The following UXS1 variants were observed in gnomAD, a reference collection of about 807,000 sequenced individuals.
The protein encoded by UXS1 is UDP-glucuronic acid decarboxylase 1.
In UXS1, 33 loss-of-function variants were observed where a neutral mutation model predicts 62.6. That is an observed-to-expected ratio of 0.53 (90% CI 0.40 to 0.70). The LOEUF (loss-of-function observed/expected upper bound fraction) is 0.70, where lower values mean the gene tolerates loss of function less well. UXS1 is among the 30% of genes least tolerant of loss of function. The probability of loss-of-function intolerance (pLI) is 0.00; values close to 1 mark genes in which losing one functional copy is unlikely to be tolerated. For synonymous variants in UXS1, 213 were observed against 206.8 expected (o/e 1.03, Z -0.26); for missense variants, 434 against 556.3 (o/e 0.78, Z 2.21).
rs573449673 is a variant in UXS1, at chr2:106,167,278, C to CA, written c.95-1196dup. 4.4e-4 allele frequency among the ~76,000 whole-genome samples: 67 copies of CA among 152,294 alleles called. 1 individual carries two copies. The South Asian group carries it at 1.0e-2, about 23-fold the overall frequency. ...CACTCCTATTTGGCCCTCATGTGGC[C>CA]ACTCAGCAGATACTGAAGGCCTTCT... On this transcript the variant is annotated intron_variant, in intron 1 of 14. Coordinates refer to ENST00000283148, the MANE Select transcript of UXS1 (RefSeq NM_001253875.2).
At chr2:106,185,063 A>G (rs1280229866) in intron 1 of UXS1, among the ~76,000 whole-genome samples, 1 of 152,188 alleles carries the variant, frequency 6.6e-6, no homozygotes. Flanking sequence ...TCAGACTTCC[A>G]CATTCTGCCT....
chr2:106,095,057 A>C (rs1431113543), intron 14 of UXS1, among the ~76,000 whole-genome samples: 4 of 152,190 alleles, frequency 2.6e-5, no homozygotes, highest in Non-Finnish European at 5.9e-5. Flanking sequence ...TAAAACTACT[A>C]CTAGAAGAGA....
At chr2:106,166,973 G>A (rs924278513) in intron 1 of UXS1, among the ~76,000 whole-genome samples, 3 of 152,174 alleles carry the variant, frequency 2.0e-5, no homozygotes, top group African/African-American at 7.2e-5. Context: ...AACCCAGAGA[G>A]GTTAAACAGT....
intron 12 of UXS1, 110 bp downstream of exon 12, chr2:106,100,948 T>C: frequency 7.6e-7 from 1 of 1,318,960 alleles, no homozygotes; most frequent in Non-Finnish European, 1.1e-6. Flanking sequence ...CAAACACAAA[T>C]GTCCTAAGTG....
intron 3 of UXS1, 92 bp from the exon 4 acceptor site, chr2:106,163,802 A>G: frequency 1.4e-6 from 1 of 727,500 alleles, no homozygotes; most frequent in South Asian, 3.6e-5. Flanking sequence ...AAGGCAAAAC[A>G]GGTTTTAATT....
chr2:106,111,531 C>T (rs559710628), intron 10 of UXS1, among the ~76,000 whole-genome samples: 11 of 152,282 alleles, frequency 7.2e-5, no homozygotes, highest in Middle Eastern at 3.4e-3. Context: ...ACACACACCA[C>T]GGAGAATGCT....
At chr2:106,125,732 A>AT (rs1325064834) in intron 7 of UXS1, 53 bp from the exon 8 acceptor site, 3 of 1,477,876 alleles carry the variant, frequency 2.0e-6, no homozygotes, top group Admixed American at 2.3e-5. Context: ...GTGCAGGCAC[A>AT]TTTTTTGCTG....
chr2:106,194,263 A>T lies in UXS1; in HGVS notation c.-22T>A. The T allele has an allele frequency of 1.5e-6, 2 of 1,299,930 alleles. No homozygotes were observed. The highest frequency in any genetic ancestry group is 2.0e-6 in the Non-Finnish European group (2 of 1,009,212). The allele number at this position is 1,299,930 out of a possible 1,614,324, so 80.5% of individuals were successfully genotyped here. A position where few individuals can be genotyped will look rare whatever the true frequency, so the allele number is the denominator to read the frequency against. ...CCATCCCCGGGAGCCGCGCGGGTCC[A>T]GGGCCCTACCGCGCGGGGGCCCGCC... On this transcript the variant is annotated 5_prime_UTR_variant, in exon 1 of 15. Coordinates refer to ENST00000283148, the MANE Select transcript of UXS1 (RefSeq NM_001253875.2).
chr2:106,140,053 T>A (rs1453014807), intron 6 of UXS1, among the ~76,000 whole-genome samples: 1 of 152,170 alleles, frequency 6.6e-6, no homozygotes, highest in African/African-American at 2.4e-5. Flanking sequence ...ATGAAGAAGA[T>A]ACAGAACTTC....
At chr2:106,121,521 ACT>A (rs1679518486) in intron 9 of UXS1, among the ~76,000 whole-genome samples, 1 of 152,032 alleles carries the variant, frequency 6.6e-6, no homozygotes, top group African/African-American at 2.4e-5. Flanking sequence ...TACCCCTGAC[ACT>A]CTAGTCAGTA....
intron 6 of UXS1, among the ~76,000 whole-genome samples, chr2:106,139,711 T>C (rs965580345): frequency 5.9e-5 from 9 of 152,300 alleles, no homozygotes; most frequent in Middle Eastern, 3.4e-3. Flanking sequence ...GTTAGTGACA[T>C]AGTCTGTGTC....
intron 8 of UXS1, among the ~76,000 whole-genome samples, chr2:106,123,632 C>A (rs1443095836): frequency 6.6e-6 from 1 of 152,178 alleles, no homozygotes. Flanking sequence ...GCCTGTTCTT[C>A]TAGCCCTCAT....
In UXS1 at chr2:106,104,794, C is replaced by A. The variant is rs1482259382; in HGVS notation, c.923G>T (p.Ser308Ile). The A allele has an allele frequency of 6.2e-7, 1 of 1,613,902 alleles. No individual in the cohort carries two copies. The highest frequency in any genetic ancestry group is 8.5e-7 in the Non-Finnish European group (1 of 1,179,908). ...CTGGGGCAGGGCAGGACAGTCTTAC[C>A]TGACGTACTGGAACGCCCTTGTCTG... ...GSQTRAFQYV[S>I]DLVNGLVALM... Residue 308 changes from serine to isoleucine, a missense_variant and splice_region_variant, in exon 11 of 15, where the codon AGC becomes ATC. By Grantham distance (142) the Ser-to-Ile change is moderately radical. Coordinates refer to ENST00000283148, the MANE Select transcript of UXS1 (RefSeq NM_001253875.2).
At chr2:106,158,241 T>C (rs913751036) in intron 4 of UXS1, 123 bp from the exon 5 acceptor site, 2 of 804,832 alleles carry the variant, frequency 2.5e-6, no homozygotes, top group African/African-American at 1.7e-5. Flanking sequence ...CTCTCCACTC[T>C]TGAATGAGTG....
chr2:106,179,353 C>T (rs1684099880), intron 1 of UXS1, among the ~76,000 whole-genome samples: 1 of 152,124 alleles, frequency 6.6e-6, no homozygotes, highest in Non-Finnish European at 1.5e-5. Context: ...CGCTCTCTGG[C>T]TCTGTCATCT....
At chr2:106,104,953 T>G (rs1020591989) in intron 10 of UXS1, 116 bp from the exon 11 acceptor site, 8 of 1,255,450 alleles carry the variant, frequency 6.4e-6, no homozygotes, top group Non-Finnish European at 9.3e-6. Flanking sequence ...GGGGCAGTGA[T>G]GCTGACTCAA....
intron 5 of UXS1, among the ~76,000 whole-genome samples, chr2:106,146,912 G>A (rs940710818): frequency 6.6e-6 from 1 of 152,074 alleles, no homozygotes; most frequent in African/African-American, 2.4e-5. Flanking sequence ...CAACACTTTG[G>A]GAAGCCAAGG....
intron 10 of UXS1, among the ~76,000 whole-genome samples, chr2:106,112,047 G>T (rs1035354896): frequency 6.6e-6 from 1 of 152,224 alleles, no homozygotes; most frequent in African/African-American, 2.4e-5. Context: ...GGGAACAGGT[G>T]TGGAATCAGC....
chr2:106,194,210 G>A lies in UXS1; in HGVS notation c.32C>T (p.Ser11Phe). The A allele has an allele frequency of 1.4e-6, 2 of 1,469,542 alleles. No individual in the cohort carries two copies. Among genetic ancestry groups the A allele is most frequent in the Non-Finnish European group, 9.0e-7 (1 of 1,108,118 alleles). 91.0% of individuals were successfully genotyped at this position (1,469,542 alleles called of 1,614,324 possible). A position where few individuals can be genotyped will look rare whatever the true frequency, so the allele number is the denominator to read the frequency against. ...CTTCATCCTCCTGCGGTTGACGGCA[G>A]ACACGAGGCGCAGCAGCGCCTTGCT... Reference protein sequence around the residue: MVSKALLRLVSAVNRRRMKLL... With the variant: MVSKALLRLVFAVNRRRMKLL... The change falls in exon 1 of 15, where the codon TCT becomes TTT. Residue 11 changes from serine (S) to phenylalanine (F), a missense_variant. Around this residue, in one of 3 missense-constraint regions of UXS1, gnomAD observed 91 missense variants for 71.1 expected, o/e 1.28. Coordinates refer to ENST00000283148, the MANE Select transcript of UXS1 (RefSeq NM_001253875.2).
Sources: allele counts gnomAD v4.1 joint callset (sites outside exome capture counted in the v4.1 genomes callset), GRCh38; gene constraint gnomAD v4.1.1; regional missense constraint gnomAD v4.1.1; transcripts MANE v1.5; gene names NCBI Gene and HGNC (gene_info 2026-07-23, HGNC 2026-07-21).